Variants in ZBTB20 observed in about 807,000 individuals in gnomAD.
ZBTB20 encodes zinc finger and BTB domain containing 20.
Under a neutral mutation model 56.9 loss-of-function variants are expected in ZBTB20, and 9 were observed. The observed-to-expected ratio is 0.16, with a 90% confidence interval of 0.10 to 0.28. ZBTB20 has a LOEUF of 0.28. Among genes scored for constraint, ZBTB20 ranks in the 10% least tolerant of loss-of-function variants. The pLI is 1.00. For missense variants in ZBTB20, 655 were observed against 1,003.0 expected (o/e 0.65, Z 4.69); for synonymous variants, 417 against 420.7 (o/e 0.99, Z 0.11).
At chr3:114,481,387 C>T (rs937595394) in intron 7 of ZBTB20, among the ~76,000 whole-genome samples, 2 of 152,046 alleles carry the variant, frequency 1.3e-5, no homozygotes, top group Non-Finnish European at 2.9e-5. Context: ...CGAGGATAAA[C>T]CCTGAGAGAT....
At chr3:114,653,924 C>T (rs2060260302) in intron 6 of ZBTB20, among the ~76,000 whole-genome samples, 1 of 151,434 alleles carries the variant, frequency 6.6e-6, no homozygotes, top group African/African-American at 2.4e-5. Context: ...ATAATATTCC[C>T]TTGTTATCCT....
intron 4 of ZBTB20, among the ~76,000 whole-genome samples, chr3:114,866,420 G>A (rs1375665491): frequency 6.6e-6 from 1 of 152,160 alleles, no homozygotes; most frequent in East Asian, 1.9e-4. Context: ...CTACTTCATG[G>A]GGTTTGGGGT....
intron 7 of ZBTB20, among the ~76,000 whole-genome samples, chr3:114,415,092 A>G (rs1050106752): frequency 6.6e-5 from 10 of 152,068 alleles, no homozygotes; most frequent in Non-Finnish European, 4.4e-5. Flanking sequence ...TGAAAAATCA[A>G]TGTGGTTTGA....
intron 6 of ZBTB20, among the ~76,000 whole-genome samples, 171 bp downstream of exon 6, chr3:114,693,357 T>C (rs542543187): frequency 1.3e-5 from 2 of 152,304 alleles, no homozygotes; most frequent in South Asian, 4.1e-4. Context: ...AGATCTGTCC[T>C]TTACCAATGT....
At chr3:114,608,097 T>C (rs2057302535) in intron 6 of ZBTB20, among the ~76,000 whole-genome samples, 1 of 151,928 alleles carries the variant, frequency 6.6e-6, no homozygotes, top group Non-Finnish European at 1.5e-5. Flanking sequence ...CTAGGAAGGG[T>C]TGGGAGTAAA....
chr3:114,823,830 T>G (rs2073377887), intron 4 of ZBTB20, among the ~76,000 whole-genome samples: 1 of 152,054 alleles, frequency 6.6e-6, no homozygotes, highest in East Asian at 1.9e-4. Context: ...ATTTTGTCAA[T>G]TTTGAGTCTA....
chr3:114,497,329 CTCCTCTGCACGGCATACAAGG>C (rs1308080662), intron 7 of ZBTB20, among the ~76,000 whole-genome samples: 2 of 152,090 alleles, frequency 1.3e-5, no homozygotes, highest in Non-Finnish European at 2.9e-5. Context: ...CAAGTCCAAA[CTCCTCTGCACGGCATACAAGG>C]TCCTCCGTAT....
At chr3:114,817,299 AC>A (rs1406576607) in intron 4 of ZBTB20, among the ~76,000 whole-genome samples, 11 of 151,758 alleles carry the variant, frequency 7.2e-5, no homozygotes, top group Admixed American at 4.6e-4. Context: ...TGGGTGGATC[AC>A]CTGAGGTCAG....
chr3:115,124,271 G>A (rs2084262348), intron 1 of ZBTB20, among the ~76,000 whole-genome samples: 1 of 152,164 alleles, frequency 6.6e-6, no homozygotes, highest in African/African-American at 2.4e-5. Context: ...TGAACTTGTA[G>A]TAGTATTCCA....
intron 5 of ZBTB20, among the ~76,000 whole-genome samples, chr3:114,758,551 C>A (rs1168083520): frequency 6.6e-6 from 1 of 152,084 alleles, no homozygotes; most frequent in Non-Finnish European, 1.5e-5. Flanking sequence ...GTGTCATAAT[C>A]AACAATGTTG....
chr3:115,093,584 C>G (rs534837531), intron 1 of ZBTB20, among the ~76,000 whole-genome samples: 2 of 152,280 alleles, frequency 1.3e-5, no homozygotes, highest in African/African-American at 2.4e-5. Context: ...AGGAAACACA[C>G]GCACACTTAT....
At chr3:114,418,415 C>A (rs1450257940) in intron 7 of ZBTB20, among the ~76,000 whole-genome samples, 2 of 151,950 alleles carry the variant, frequency 1.3e-5, no homozygotes, top group Non-Finnish European at 2.9e-5. Flanking sequence ...TGTATTGCAA[C>A]CCTTGTCAGT....
rs2077043757 is a variant in ZBTB20 at position 114,950,893 on chromosome 3, T to C, written c.-456+23473A>G. On this transcript the variant is annotated intron_variant, in intron 3 of 11. Transcript: ENST00000675478. ...GCAAGCACATGTAAATGCAACATAATATAAATGAATCTCAGAAACATAATG... is the reference window on the plus strand; with the variant it reads ...GCAAGCACATGTAAATGCAACATAACATAAATGAATCTCAGAAACATAATG... Among the ~76,000 whole-genome samples the C allele has an allele frequency of 2.6e-5, 4 of 152,228 alleles. No homozygotes were observed. In the South Asian group the frequency reaches 8.3e-4, roughly 32 times the overall value.
intron 3 of ZBTB20, among the ~76,000 whole-genome samples, chr3:114,944,769 T>C (rs2076829736): frequency 6.9e-6 from 1 of 145,194 alleles, no homozygotes; most frequent in Non-Finnish European, 1.5e-5. Flanking sequence ...AAGTGTGAAA[T>C]CCAAAAAGGC....
chr3:114,557,549 G>T (rs2051402105), intron 6 of ZBTB20, among the ~76,000 whole-genome samples: 1 of 151,848 alleles, frequency 6.6e-6, no homozygotes, highest in African/African-American at 2.4e-5. Context: ...AATATAATTT[G>T]CAAGGTCATT....
intron 3 of ZBTB20, among the ~76,000 whole-genome samples, chr3:114,954,515 C>G (rs1374074772): frequency 6.6e-6 from 1 of 151,952 alleles, no homozygotes; most frequent in Non-Finnish European, 1.5e-5. Context: ...TTACAGATAG[C>G]AAAATATGCT....
chr3:114,959,720 T>TACACACACACAC (rs56785871), intron 3 of ZBTB20, among the ~76,000 whole-genome samples: 3 of 145,364 alleles, frequency 2.1e-5, no homozygotes, highest in South Asian at 2.2e-4. Context: ...TTTATATACA[T>TACACACACACAC]ACACACACAC....
intron 3 of ZBTB20, among the ~76,000 whole-genome samples, chr3:114,920,875 G>A (rs974240613): frequency 5.5e-4 from 83 of 151,894 alleles, no homozygotes; most frequent in African/African-American, 1.8e-3. Context: ...AAGAAGACTC[G>A]AATTTAAAAT....
At chr3:114,377,180 A>T (rs2083742021) in intron 10 of ZBTB20, among the ~76,000 whole-genome samples, 1 of 152,132 alleles carries the variant, frequency 6.6e-6, no homozygotes, top group Non-Finnish European at 1.5e-5. Flanking sequence ...TCCATAACTC[A>T]TCTTAATGCC....
Sources: gnomAD v4.1 joint callset for allele counts (sites outside exome capture counted in the v4.1 genomes callset) on GRCh38, gnomAD v4.1.1 for gene constraint, MANE v1.5 for transcripts, NCBI Gene and HGNC (gene_info 2026-07-23, HGNC 2026-07-21) for gene names.